Variants in IFT43 observed in about 807,000 individuals in gnomAD.
The protein encoded by IFT43 is intraflagellar transport protein 43 homolog.
A neutral mutation model predicts 32.3 loss-of-function variants in IFT43; 33 were observed. The ratio of observed to expected loss-of-function variants is 1.02; its 90% CI spans 0.77 to 1.37. The LOEUF (loss-of-function observed/expected upper bound fraction) is 1.37. IFT43 is among the 40% of genes most tolerant of loss of function. The pLI is 0.00. For synonymous variants in IFT43, 93 were observed against 98.2 expected (o/e 0.95, Z 0.31); for missense variants, 274 against 265.9 (o/e 1.03, Z -0.21).
rs138492274 is a variant in IFT43 at position 75,993,958 on chromosome 14, C to G, written c.147+4981C>G. Among the ~76,000 whole-genome samples, 1,157 of 152,268 alleles carry G rather than the reference C, an allele frequency of 7.6e-3. 6 individuals are homozygous for G. Among genetic ancestry groups the G allele is most frequent in the Non-Finnish European group, 0.012 (789 of 68,020 alleles). The stretch of plus-strand genomic sequence containing the variant: ...CAGAACTGGATCTTACAGCCACACT[C>G]TCAGTTTCAGGGGAGTTTTTAATGG... On this transcript the variant is annotated intron_variant, in intron 2 of 8. Transcript: ENST00000314067.
chr14:76,038,492 C>T (rs1416904523), intron 3 of IFT43, among the ~76,000 whole-genome samples: 9 of 152,100 alleles, frequency 5.9e-5, no homozygotes, highest in African/African-American at 2.2e-4. Context: ...TCTAGGTAGG[C>T]TCCCCAAAGT....
intron 3 of IFT43, among the ~76,000 whole-genome samples, chr14:76,055,535 C>A (rs10141898): frequency 0.91 from 138,707 of 152,118 alleles, 63,409 homozygotes; most frequent in African/African-American, 0.97. Flanking sequence ...GCTGGTGGTG[C>A]GCCACTAAAT....
intron 2 of IFT43, among the ~76,000 whole-genome samples, chr14:75,995,589 T>A (rs2035728711): frequency 6.6e-6 from 1 of 152,144 alleles, no homozygotes; most frequent in African/African-American, 2.4e-5. Flanking sequence ...CCTTGGCACT[T>A]TGCATTACGT....
rs576067910 is a variant in IFT43, at chr14:76,078,436, C to T, written c.296-3859C>T. On this transcript the variant is annotated intron_variant, in intron 5 of 8. Coordinates refer to ENST00000314067, the MANE Select transcript of IFT43 (RefSeq NM_001102564.3). The stretch of plus-strand genomic sequence containing the variant: ...ATTAGCCTCCACCAGACTGGTGCCC[C>T]ATGAAGACAGGGACCATGTCTATTT... Among the ~76,000 whole-genome samples, 3 of 152,286 alleles carry T rather than the reference C, an allele frequency of 2.0e-5. No individual in the cohort carries two copies. The East Asian group carries it at 5.8e-4, about 29-fold the overall frequency.
At chr14:75,992,321 C>T (rs117457484) in intron 2 of IFT43, among the ~76,000 whole-genome samples, 3,405 of 152,248 alleles carry the variant, frequency 0.022, 64 homozygotes, top group Non-Finnish European at 0.037. Flanking sequence ...AAGTGAGATA[C>T]GCATTGAGAC....
chr14:76,028,411 C>T (rs1342634963), intron 3 of IFT43, among the ~76,000 whole-genome samples: 2 of 152,012 alleles, frequency 1.3e-5, no homozygotes, highest in Non-Finnish European at 2.9e-5. Context: ...ACTCTCTCTC[C>T]TTTTTCTTTT....
intron 3 of IFT43, among the ~76,000 whole-genome samples, chr14:76,048,345 C>T (rs1248468085): frequency 6.6e-6 from 1 of 152,198 alleles, no homozygotes; most frequent in East Asian, 1.9e-4. Context: ...GCCAGCCAGT[C>T]TCTGCTAAGG....
intron 2 of IFT43, among the ~76,000 whole-genome samples, chr14:76,012,222 AC>A (rs2036098690): frequency 6.6e-6 from 1 of 152,186 alleles, no homozygotes; most frequent in African/African-American, 2.4e-5. Context: ...TTTCTCCAGG[AC>A]TTCTGAGAGT....
Position 76,083,238 on chromosome 14 carries a change from C to T in IFT43, c.456C>T (p.Ile152=), listed in dbSNP as rs142020645. ...GTTTGCATTCACAGGATGGGGAGAT[C>T]GACCTGAAACTCCTCACCAAAGTGC... ...YSAIQTLDGE[I]DLKLLTKVLA... The change falls in exon 8 of 9, where the codon ATC becomes ATT. Residue 152 remains isoleucine, a synonymous_variant. Coordinates refer to ENST00000314067, the MANE Select transcript of IFT43 (RefSeq NM_001102564.3). 5.0e-6 allele frequency: 8 copies of T among 1,613,978 alleles called. No homozygotes were observed. The African/African-American group carries it at 8.0e-5, about 16-fold the overall frequency.
chr14:76,012,387 T>A (rs2036102780), intron 2 of IFT43, among the ~76,000 whole-genome samples: 1 of 152,190 alleles, frequency 6.6e-6, no homozygotes, highest in African/African-American at 2.4e-5. Flanking sequence ...AGTTATTGAA[T>A]CCTAGCCCAT....
chr14:76,021,168 C>T (rs1307453894), intron 2 of IFT43, among the ~76,000 whole-genome samples: 4 of 151,750 alleles, frequency 2.6e-5, no homozygotes, highest in African/African-American at 9.7e-5. Context: ...ATCCTCAGGC[C>T]CCTAGATGGC....
chr14:75,999,120 G>A lies in IFT43; in HGVS notation c.147+10143G>A, dbSNP rs374961419. ...TTCTCTTTTTCCTGCATCTCTTTTT[G>A]TCCTCTTAACCAGTGATAACAAAGA... On this transcript the variant is annotated intron_variant, in intron 2 of 8. Coordinates refer to ENST00000314067, the MANE Select transcript of IFT43 (RefSeq NM_001102564.3). Among the ~76,000 whole-genome samples, 183 of 122,194 alleles carry A rather than the reference G, an allele frequency of 1.5e-3. 5 individuals are homozygous for A. The South Asian group carries it at 0.045, about 30-fold the overall frequency. 80.2% of individuals were successfully genotyped at this position (122,194 alleles called of 152,430 possible).
intron 7 of IFT43, 80 bp from the exon 8 acceptor site, chr14:76,083,147 C>T (rs1404445155): frequency 6.6e-7 from 1 of 1,522,928 alleles, no homozygotes; most frequent in African/African-American, 1.4e-5. Flanking sequence ...CACACAAAAA[C>T]TGATCCCGGT....
chr14:76,008,202 A>G (rs1177441495), intron 2 of IFT43, among the ~76,000 whole-genome samples: 3 of 152,118 alleles, frequency 2.0e-5, no homozygotes, highest in African/African-American at 7.2e-5. Context: ...TTTCAAGGAT[A>G]TCTCTCTCTT....
At chr14:75,999,263 ATATATATATGTATATATATTTTT>A (rs1315814671) in intron 2 of IFT43, among the ~76,000 whole-genome samples, 1 of 24,564 alleles carries the variant, frequency 4.1e-5, no homozygotes, top group African/African-American at 2.6e-4. Flanking sequence ...ATATATATAT[ATATATATATGTATATATATTTTT>A]TTTTTTTTTT....
chr14:76,014,902 C>T (rs1407073989), intron 2 of IFT43, among the ~76,000 whole-genome samples: 4 of 152,188 alleles, frequency 2.6e-5, no homozygotes, highest in East Asian at 1.9e-4. Context: ...CCATCACTGA[C>T]GCCTACTTCT....
At chr14:76,002,380 A>T (rs907912815) in intron 2 of IFT43, among the ~76,000 whole-genome samples, 1 of 151,872 alleles carries the variant, frequency 6.6e-6, no homozygotes, top group African/African-American at 2.4e-5. Flanking sequence ...GGGGGGTGGC[A>T]TGATGTCATC....
chr14:76,025,146 C>T lies in IFT43; in HGVS notation c.215+2752C>T, dbSNP rs78919099. On this transcript the variant is annotated intron_variant, in intron 3 of 8. Transcript: ENST00000314067. ...CGAATTTAACTACTTAAGATATACA[C>T]AGGAATAGTTTCTCAAAGAATAGTC... 1.4e-3 allele frequency among the ~76,000 whole-genome samples: 211 copies of T among 152,254 alleles called. 1 individual carries two copies. The highest frequency in any genetic ancestry group is 4.9e-3 in the African/African-American group (205 of 41,536).
At chr14:76,069,435 A>G (rs1037340837) in intron 5 of IFT43, among the ~76,000 whole-genome samples, 3 of 152,180 alleles carry the variant, frequency 2.0e-5, no homozygotes, top group African/African-American at 7.2e-5. Flanking sequence ...CAGCAAGTGC[A>G]AAGTTATGTC....
Sources: allele counts gnomAD v4.1 joint callset (sites outside exome capture counted in the v4.1 genomes callset), GRCh38; gene constraint gnomAD v4.1.1; transcripts MANE v1.5; gene names NCBI Gene and HGNC (gene_info 2026-07-23, HGNC 2026-07-21).